SHANK2: variants seen among roughly 807,000 people sequenced by gnomAD.
The protein encoded by SHANK2 is SH3 and multiple ankyrin repeat domains 2.
SHANK2 carries 43 observed loss-of-function variants against 133.7 expected under a neutral mutation model. The ratio of observed to expected loss-of-function variants is 0.32; its 90% CI spans 0.25 to 0.41. The LOEUF is 0.41. SHANK2 is among the 10% of genes least tolerant of loss of function. The pLI, the probability that SHANK2 is intolerant of heterozygous loss-of-function variation, is 1.00. For synonymous variants in SHANK2, 1,017 were observed against 952.8 expected (o/e 1.07, Z -1.24); for missense variants, 1,994 against 2,235.8 (o/e 0.89, Z 2.18).
chr11:71,187,944 G>A (rs556304947), intron 2 of SHANK2, among the ~76,000 whole-genome samples: 5 of 152,294 alleles, frequency 3.3e-5, no homozygotes, highest in Middle Eastern at 3.4e-3. Context: ...ACTGTCCTTG[G>A]AAATGCTCTT....
chr11:70,679,759 G>A (rs1216081865), intron 15 of SHANK2, among the ~76,000 whole-genome samples: 3 of 152,214 alleles, frequency 2.0e-5, no homozygotes, highest in African/African-American at 4.8e-5. Context: ...AGCAACAGAG[G>A]CCACCGCTGC....
At chr11:71,156,643 A>G (rs1157650165) in intron 2 of SHANK2, among the ~76,000 whole-genome samples, 1 of 152,096 alleles carries the variant, frequency 6.6e-6, no homozygotes, top group Non-Finnish European at 1.5e-5. Flanking sequence ...TCCATTACAC[A>G]TACACCCTCC....
intron 3 of SHANK2, among the ~76,000 whole-genome samples, chr11:71,128,850 T>TCTCAGCTCACTGCAAC (rs1952238834): frequency 6.6e-6 from 1 of 152,148 alleles, no homozygotes; most frequent in Non-Finnish European, 1.5e-5. Flanking sequence ...AGTGGTGCAA[T>TCTCAGCTCACTGCAAC]CTCAGCTCAC....
At chr11:70,621,210 C>T (rs534990886) in intron 17 of SHANK2, among the ~76,000 whole-genome samples, 1 of 152,340 alleles carries the variant, frequency 6.6e-6, no homozygotes, top group African/African-American at 2.4e-5. Flanking sequence ...GACCCAATTT[C>T]TGGGGTGTCC....
At chr11:70,726,052 A>T (rs1168967197) in intron 14 of SHANK2, among the ~76,000 whole-genome samples, 1 of 152,214 alleles carries the variant, frequency 6.6e-6, no homozygotes, top group African/African-American at 2.4e-5. Flanking sequence ...TCTCTCCTCC[A>T]TGTAAGCTTC....
chr11:70,598,248 G>C (rs1271892044), intron 17 of SHANK2, among the ~76,000 whole-genome samples: 1 of 151,198 alleles, frequency 6.6e-6, no homozygotes, highest in African/African-American at 2.4e-5. Flanking sequence ...ACACAAGTTG[G>C]GCTGGAGAGA....
intron 8 of SHANK2, among the ~76,000 whole-genome samples, chr11:71,076,764 G>C (rs1001712455): frequency 6.6e-6 from 1 of 152,238 alleles, no homozygotes; most frequent in Non-Finnish European, 1.5e-5. Context: ...CTCCTGCAGA[G>C]GCACAGGACA....
intron 15 of SHANK2, among the ~76,000 whole-genome samples, chr11:70,693,296 C>A (rs1395610910): frequency 6.6e-6 from 1 of 152,216 alleles, no homozygotes; most frequent in East Asian, 1.9e-4. Flanking sequence ...GAAGACCCAA[C>A]TCTTTTCATG....
intron 5 of SHANK2, 70 bp from the exon 6 acceptor site, chr11:71,110,119 C>A: frequency 8.6e-7 from 1 of 1,162,488 alleles, no homozygotes; most frequent in Non-Finnish European, 1.2e-6. Flanking sequence ...CAAAGTGAGA[C>A]CCCGTCTCTA....
chr11:71,215,209 T>G (rs1555119580), intron 2 of SHANK2, among the ~76,000 whole-genome samples: 1 of 152,158 alleles, frequency 6.6e-6, no homozygotes, highest in Non-Finnish European at 1.5e-5. Flanking sequence ...GCTCTCACCC[T>G]GGAGCCGCAG....
At chr11:71,094,847 C>T (rs868986532) in intron 6 of SHANK2, among the ~76,000 whole-genome samples, 159 bp from the exon 7 acceptor site, 6 of 152,368 alleles carry the variant, frequency 3.9e-5, no homozygotes, top group Middle Eastern at 3.4e-3. Context: ...AGAGTCCAGG[C>T]GGGCAGCGTG....
Position 70,782,508 on chromosome 11 carries a change from C to T in SHANK2, c.1777+15935G>A, listed in dbSNP as rs564462775. Among the ~76,000 whole-genome samples the T allele has an allele frequency of 1.1e-3, 165 of 152,312 alleles. 1 individual carries two copies. Among genetic ancestry groups the T allele is most frequent in the Admixed American group, 4.5e-3 (69 of 15,300 alleles). On this transcript the variant is annotated intron_variant, in intron 14 of 25. Transcript: ENST00000601538. Reference sequence around the variant, plus strand: ...TCTGTGGGAGGCACTGGGCCAGGCCCGCCTTCTCCAAGTTATAAGGAGGAC... The same window carrying T: ...TCTGTGGGAGGCACTGGGCCAGGCCTGCCTTCTCCAAGTTATAAGGAGGAC...
At chr11:71,080,966 A>T (rs1951291497) in intron 8 of SHANK2, among the ~76,000 whole-genome samples, 1 of 152,170 alleles carries the variant, frequency 6.6e-6, no homozygotes. Context: ...TTGCGGGCTG[A>T]ATTGCATCCC....
intron 21 of SHANK2, among the ~76,000 whole-genome samples, chr11:70,498,491 A>G (rs1280288897): frequency 6.6e-6 from 1 of 152,214 alleles, no homozygotes; most frequent in Non-Finnish European, 1.5e-5. Flanking sequence ...TGAAGGCCAC[A>G]GTCCCCTTCA....
At chr11:70,636,579 ATGT>A (rs2061094511) in intron 17 of SHANK2, among the ~76,000 whole-genome samples, 2 of 38,046 alleles carry the variant, frequency 5.3e-5, no homozygotes, top group Non-Finnish European at 1.4e-4. Context: ...GTGTGTATGA[ATGT>A]GAGTCTGTGT....
intron 15 of SHANK2, among the ~76,000 whole-genome samples, chr11:70,673,161 T>G (rs897141754): frequency 2.0e-5 from 3 of 151,642 alleles, no homozygotes; most frequent in Non-Finnish European, 2.9e-5. Flanking sequence ...ACAAATGGGG[T>G]GAGTTGGTCG....
chr11:70,922,305 G>A (rs1238112283), intron 10 of SHANK2, among the ~76,000 whole-genome samples: 1 of 123,828 alleles, frequency 8.1e-6, no homozygotes, highest in Non-Finnish European at 1.7e-5. Flanking sequence ...ACATATATGT[G>A]AATCAAATCC....
At chr11:70,683,035 T>C (rs1945061308) in intron 15 of SHANK2, among the ~76,000 whole-genome samples, 2 of 152,190 alleles carry the variant, frequency 1.3e-5, no homozygotes, top group Non-Finnish European at 2.9e-5. Flanking sequence ...CCACATCCCC[T>C]GTAAGACGCT....
intron 6 of SHANK2, among the ~76,000 whole-genome samples, chr11:71,105,888 C>G (rs374025416): frequency 1.3e-5 from 2 of 152,160 alleles, no homozygotes; most frequent in South Asian, 2.1e-4. Flanking sequence ...AAGCTCTGGA[C>G]TTGAGGATCA....
Sources: allele counts gnomAD v4.1 joint callset (sites outside exome capture counted in the v4.1 genomes callset), GRCh38; gene constraint gnomAD v4.1.1; transcripts MANE v1.5; gene names NCBI Gene and HGNC (gene_info 2026-07-23, HGNC 2026-07-21).